SLC39A8: variants seen among roughly 807,000 people sequenced by gnomAD.
The protein encoded by SLC39A8 is metal cation symporter ZIP8.
In SLC39A8, 15 loss-of-function variants were observed where a neutral mutation model predicts 40.4. The ratio of observed to expected loss-of-function variants is 0.37; its 90% confidence interval spans 0.25 to 0.57. The LOEUF (loss-of-function observed/expected upper bound fraction) is 0.57. Ranked by LOEUF, SLC39A8 falls within the 20% of genes least tolerant of loss-of-function variation. The probability of loss-of-function intolerance (pLI) is 0.75; values close to 1 mark genes in which losing one functional copy is unlikely to be tolerated. For missense variants in SLC39A8, 472 were observed against 558.8 expected (o/e 0.84, Z 1.57); for synonymous variants, 223 against 221.6 (o/e 1.01, Z -0.06).
intron 2 of SLC39A8, among the ~76,000 whole-genome samples, chr4:102,317,809 T>A (rs1545744): frequency 0.15 from 22,464 of 152,140 alleles, 1,801 homozygotes; most frequent in Middle Eastern, 0.23. Context: ...CAAAGACTTT[T>A]CAGAATTAGC....
rs1415005431 is a variant in SLC39A8, at chr4:102,305,040, T to C, written c.624A>G (p.Leu208=). ...KAVAVFGGFY[L]LFFFERMLKM... is the part of the protein sequence containing the mutation. The stretch of plus-strand genomic sequence containing the variant: ...TTAGCATTCTTTCAAAAAAGAAAAG[T>C]AGGTAAAATCCACCAAACACAGCAA... The change falls in exon 5 of 9, where the codon CTA becomes CTG. Residue 208 remains leucine, a synonymous_variant. Transcript: ENST00000356736. 3 of 1,609,348 alleles carry C rather than the reference T, an allele frequency of 1.9e-6. No homozygotes were observed.
rs541567897 is a variant in SLC39A8, at chr4:102,263,174, A to G, written c.1253T>C (p.Met418Thr). Residue 418 changes from methionine to threonine, a missense_variant, in exon 9 of 9, where the codon ATG becomes ACG. Transcript: ENST00000356736. ...LADMFPEMNDMLREKVTGRKT... is the reference protein window; with the variant it reads ...LADMFPEMNDTLREKVTGRKT... ...TCTTCCAGTTACCTTTTCTCTCAGC[A>G]TATCATTCATCTCTGGAAACTAGAA... The G allele has an allele frequency of 2.1e-5, 34 of 1,613,396 alleles. No homozygotes were observed. In the Middle Eastern group the frequency reaches 4.9e-4, roughly 23 times the overall value.
At chr4:102,313,992 C>T (rs1475835800) in intron 3 of SLC39A8, among the ~76,000 whole-genome samples, 1 of 152,058 alleles carries the variant, frequency 6.6e-6, no homozygotes, top group Admixed American at 6.6e-5. Context: ...GCCTACTGGA[C>T]CTCCCTGTCT....
At chr4:102,265,919 C>G (rs151398) in intron 8 of SLC39A8, among the ~76,000 whole-genome samples, 109,840 of 152,066 alleles carry the variant, frequency 0.72, 40,123 homozygotes, top group Non-Finnish European at 0.78. Context: ...TCACATCTAC[C>G]ATCACCTGTA....
intron 6 of SLC39A8, among the ~76,000 whole-genome samples, chr4:102,287,925 A>C (rs1733253503): frequency 6.6e-6 from 1 of 152,144 alleles, no homozygotes; most frequent in Non-Finnish European, 1.5e-5. Context: ...TTGCATATGA[A>C]TAATATTTAC....
intron 2 of SLC39A8, among the ~76,000 whole-genome samples, chr4:102,325,142 A>T (rs1290385994): frequency 2.6e-5 from 4 of 152,056 alleles, no homozygotes; most frequent in Admixed American, 2.6e-4. Flanking sequence ...CTTCTCTTGA[A>T]GTTTTCCCCT....
intron 11 of SLC39A8, among the ~76,000 whole-genome samples, chr4:102,255,899 G>A (rs1731698210): frequency 6.6e-6 from 1 of 152,060 alleles, no homozygotes; most frequent in South Asian, 2.1e-4. Context: ...AACACCAAAG[G>A]ATCGCTATGA....
Position 102,267,948 on chromosome 4 carries a change from A to G in SLC39A8, c.972T>C (p.Ala324=). 6.2e-7 allele frequency: 1 copy of G among 1,614,240 alleles called. No individual in the cohort carries two copies. Among genetic ancestry groups the G allele is most frequent in the East Asian group, 2.2e-5 (1 of 44,880 alleles). The part of the protein sequence containing the change: ...HNFIDGLAIG[A]SCTLSLLQGL... ...CCTGAAGGAGAGACAAGGTGCAGGA[A>G]GCCCCAATCGCCAGGCCATCGATGA... is the stretch of plus-strand genomic sequence containing the variant. Residue 324 remains alanine, a synonymous_variant, in exon 7 of 9, where the codon GCT becomes GCC. Coordinates refer to ENST00000356736, the MANE Select transcript of SLC39A8 (RefSeq NM_001135146.2).
intron 6 of SLC39A8, among the ~76,000 whole-genome samples, chr4:102,295,191 T>C (rs556928230): frequency 6.7e-6 from 1 of 148,248 alleles, no homozygotes; most frequent in Non-Finnish European, 1.5e-5. Context: ...TATATATATG[T>C]ATATAAAAAA....
At position 102,267,858 on chromosome 4, in the gene SLC39A8, AC is replaced by A; in HGVS notation, c.1048+13del. 6.2e-7 allele frequency: 1 copy of A among 1,613,238 alleles called. No individual in the cohort carries two copies. The highest frequency in any genetic ancestry group is 8.5e-7 in the Non-Finnish European group (1 of 1,179,558). ...AAGTAAGCAGACTTTTACAATATGA[AC>A]AGAGCTCCTTACCTAACTCGTGGGG... On this transcript the variant is annotated intron_variant, in intron 7 of 8. Transcript: ENST00000356736.
At chr4:102,259,494 A>C (rs1277964143), downstream of SLC39A8, 17 of 1,547,484 alleles carry the variant, frequency 1.1e-5, no homozygotes, top group Non-Finnish European at 9.6e-6. Flanking sequence ...ATTTGATGTC[A>C]TCAGTAGCCC....
chr4:102,333,081 G>A (rs911087278), intron 2 of SLC39A8, among the ~76,000 whole-genome samples: 1 of 152,084 alleles, frequency 6.6e-6, no homozygotes, highest in East Asian at 1.9e-4. Flanking sequence ...TGGCTGATGG[G>A]TGCAGTAAAC....
intron 6 of SLC39A8, among the ~76,000 whole-genome samples, chr4:102,273,017 G>GTTT (rs1732441323): frequency 2.0e-5 from 3 of 152,204 alleles, no homozygotes; most frequent in African/African-American, 7.2e-5. Flanking sequence ...AAACTGGGTG[G>GTTT]TTGTTTGGGC....
At chr4:102,320,275 T>A (rs1734872130) in intron 2 of SLC39A8, among the ~76,000 whole-genome samples, 1 of 123,384 alleles carries the variant, frequency 8.1e-6, no homozygotes, top group Admixed American at 8.6e-5. Context: ...ATGAGAATAT[T>A]ATATATGAGT....
chr4:102,269,738 G>A (rs1732260629), intron 6 of SLC39A8: 1 of 152,162 alleles, frequency 6.6e-6, no homozygotes, highest in African/African-American at 2.4e-5. Flanking sequence ...TCTGTAATAG[G>A]ATCTGAAGGT....
intron 2 of SLC39A8, among the ~76,000 whole-genome samples, chr4:102,332,964 AAT>A (rs1735525324): frequency 6.6e-6 from 1 of 152,180 alleles, no homozygotes; most frequent in Non-Finnish European, 1.5e-5. Context: ...GGAATTGAAC[AAT>A]GAGAACACAT....
At chr4:102,270,188 T>C (rs1157415754) in intron 6 of SLC39A8, among the ~76,000 whole-genome samples, 3 of 150,730 alleles carry the variant, frequency 2.0e-5, no homozygotes, top group Non-Finnish European at 4.4e-5. Context: ...AGAAGAAGAC[T>C]ACAAAACCAA....
intron 2 of SLC39A8, chr4:102,324,255 C>T (rs769351108): frequency 1.7e-5 from 6 of 361,866 alleles, no homozygotes; most frequent in African/African-American, 2.2e-5. Context: ...ATTACCTGAG[C>T]GTGTTGGTGC....
At chr4:102,317,028 G>A (rs1417661766) in intron 2 of SLC39A8, among the ~76,000 whole-genome samples, 1 of 152,146 alleles carries the variant, frequency 6.6e-6, no homozygotes, top group African/African-American at 2.4e-5. Context: ...TGGACTTCAA[G>A]TCTCCAACTA....
Sources: allele counts gnomAD v4.1 joint callset (sites outside exome capture counted in the v4.1 genomes callset), GRCh38; gene constraint gnomAD v4.1.1; transcripts MANE v1.5; gene names NCBI Gene and HGNC (gene_info 2026-07-23, HGNC 2026-07-21).